MAK16: variants seen among roughly 807,000 people sequenced by gnomAD.
The protein encoded by MAK16 is protein MAK16 homolog.
MAK16 carries 12 observed loss-of-function variants against 49.9 expected under a neutral mutation model. The ratio of observed to expected loss-of-function variants is 0.24; its 90% CI spans 0.15 to 0.39. MAK16 has a LOEUF of 0.39. MAK16 is among the 10% of genes least tolerant of loss of function. The pLI is 1.00. For synonymous variants in MAK16, 115 were observed against 126.4 expected (o/e 0.91, Z 0.60); for missense variants, 292 against 363.7 (o/e 0.80, Z 1.60).
Position 33,498,954 on chromosome 8 carries a change from T to C in MAK16, c.*325T>C, listed in dbSNP as rs924131187. The C allele has an allele frequency of 3.4e-6, 2 of 591,260 alleles. No homozygotes were observed. The highest frequency in any genetic ancestry group is 1.9e-5 in the African/African-American group (1 of 53,656). 36.6% of individuals were successfully genotyped at this position (591,260 alleles called of 1,614,324 possible). The stretch of plus-strand genomic sequence containing the variant: ...ATTTTAAATGCTACATTACTTGGTG[T>C]CCTTTTTTCTCCCAAACTTTATTTA... On this transcript the variant is annotated 3_prime_UTR_variant, in exon 10 of 10. Transcript: ENST00000360128.
chr8:33,486,451 C>T (rs1041880327), intron 1 of MAK16, among the ~76,000 whole-genome samples: 2 of 152,146 alleles, frequency 1.3e-5, no homozygotes, highest in Non-Finnish European at 2.9e-5. Flanking sequence ...ACTTCGAAGG[C>T]TGAGGCAGAA....
chr8:33,494,573 T>C (rs1808826462), intron 6 of MAK16, among the ~76,000 whole-genome samples: 2 of 152,230 alleles, frequency 1.3e-5, no homozygotes, highest in African/African-American at 2.4e-5. Context: ...CCTTGAGATA[T>C]CTGGCTCACT....
chr8:33,485,521 GTCAGCTC>G lies in MAK16; in HGVS notation c.15+301_15+307del, dbSNP rs1285654317. The G allele has an allele frequency of 5.8e-5, 24 of 411,410 alleles. No homozygotes were observed. The Admixed American group carries it at 8.3e-4, about 14-fold the overall frequency. The allele number at this position is 411,410 out of a possible 1,614,324, so 25.5% of individuals were successfully genotyped here. A position where few individuals can be genotyped will look rare whatever the true frequency, so the allele number is the denominator to read the frequency against. On this transcript the variant is annotated intron_variant, in intron 1 of 9. Coordinates refer to ENST00000360128, the MANE Select transcript of MAK16 (RefSeq NM_032509.4). Reference sequence around the variant, plus strand: ...CGCGTCATGCTGTCAGCTGTCAGCTGTCAGCTCCGGACTTGGGGTGGGGGGCGGCCCG... The same window carrying G: ...CGCGTCATGCTGTCAGCTGTCAGCTGCGGACTTGGGGTGGGGGGCGGCCCG...
chr8:33,488,598 T>C lies in MAK16; in HGVS notation c.144T>C (p.Asn48=). Reference sequence around the variant, plus strand: ...ATCGGTCATCCTGTCCCCTGGCAAATAGTCAGTATGCCACTATTAAAGAAG... The same window carrying C: ...ATCGGTCATCCTGTCCCCTGGCAAACAGTCAGTATGCCACTATTAAAGAAG... ...LCNRSSCPLA[N]SQYATIKEEK... is the part of the protein sequence containing the mutation. Residue 48 remains asparagine, a synonymous_variant, in exon 3 of 10, where the codon AAT becomes AAC. Transcript: ENST00000360128. The C allele has an allele frequency of 6.2e-7, 1 of 1,614,130 alleles. No homozygotes were observed. The highest frequency in any genetic ancestry group is 8.5e-7 in the Non-Finnish European group (1 of 1,180,024).
intron 6 of MAK16, 82 bp from the exon 7 acceptor site, chr8:33,495,460 C>A: frequency 3.4e-6 from 4 of 1,176,952 alleles, no homozygotes; most frequent in East Asian, 5.0e-5. Context: ...TTCTTATAAA[C>A]AACTTGGTAG....
In MAK16 at chr8:33,500,342, G is replaced by C; in HGVS notation, c.*1713G>C. On this transcript the variant is annotated 3_prime_UTR_variant, in exon 10 of 10. Coordinates refer to ENST00000360128, the MANE Select transcript of MAK16 (RefSeq NM_032509.4). ...GTCTGCCTTACCTTTACCCGTCCTT[G>C]AGAACAGCGGTCCAGGAGAATCAGG... is the stretch of plus-strand genomic sequence containing the variant. 1 of 1,614,060 alleles carries C rather than the reference G, an allele frequency of 6.2e-7. No homozygotes were observed. The highest frequency in any genetic ancestry group is 1.7e-5 in the Admixed American group (1 of 59,990).
chr8:33,494,306 G>A (rs1027622280), intron 6 of MAK16, among the ~76,000 whole-genome samples: 7 of 152,078 alleles, frequency 4.6e-5, no homozygotes, highest in African/African-American at 1.4e-4. Flanking sequence ...ATCTCCTGAC[G>A]TCGGGTGATC....
At chr8:33,496,978 A>AAT (rs1808871118) in intron 8 of MAK16, among the ~76,000 whole-genome samples, 1 of 152,172 alleles carries the variant, frequency 6.6e-6, no homozygotes, top group Non-Finnish European at 1.5e-5. Flanking sequence ...ACAAATTATA[A>AAT]AGCCTTTCCT....
intron 6 of MAK16, among the ~76,000 whole-genome samples, chr8:33,494,915 A>C (rs1808833012): frequency 6.6e-6 from 1 of 152,086 alleles, no homozygotes; most frequent in African/African-American, 2.4e-5. Flanking sequence ...AGTAGCTGGG[A>C]CTATAGGCGC....
At chr8:33,497,353 A>G in intron 9 of MAK16, 56 bp downstream of exon 9, 1 of 671,400 alleles carries the variant, frequency 1.5e-6, no homozygotes, top group Non-Finnish European at 2.3e-6. Flanking sequence ...AAAAAAAAAA[A>G]ACAAAAACAG....
chr8:33,497,338 C>T, intron 9 of MAK16, 41 bp downstream of exon 9: 1 of 531,978 alleles, frequency 1.9e-6, no homozygotes, highest in South Asian at 2.8e-5. Context: ...TGGCCTGCAG[C>T]AAAAAAAAAA....
In MAK16 at chr8:33,497,501, T is replaced by A. The variant is rs912459634; in HGVS notation, c.705+204T>A. Among the ~76,000 whole-genome samples the A allele has an allele frequency of 5.3e-4, 77 of 146,388 alleles. No homozygotes were observed. The South Asian group carries it at 5.9e-3, about 11-fold the overall frequency. On this transcript the variant is annotated intron_variant, in intron 9 of 9. Transcript: ENST00000360128. The stretch of plus-strand genomic sequence containing the variant: ...ACCTCATCTCTAATAAAAAAAAAAA[T>A]TTTTTTTTTTAGATGAAGTTTCGCT...
In MAK16 at chr8:33,501,251, T is replaced by C. The variant is rs1809067391; in HGVS notation, c.*2622T>C. 6.6e-6 allele frequency: 1 copy of C among 152,230 alleles called. No homozygotes were observed. Among genetic ancestry groups the C allele is most frequent in the Non-Finnish European group, 1.5e-5 (1 of 68,050 alleles). The allele number at this position is 152,230 out of a possible 1,614,324, so 9.4% of individuals were successfully genotyped here. A position where few individuals can be genotyped will look rare whatever the true frequency, so the allele number is the denominator to read the frequency against. On this transcript the variant is annotated 3_prime_UTR_variant, in exon 10 of 10. Transcript: ENST00000360128. The stretch of plus-strand genomic sequence containing the variant: ...AATGTGAAATGTACAATAAATCATA[T>C]TTATGGACAGATGCGTGACTGGGAG...
chr8:33,494,651 T>G (rs938452722), intron 6 of MAK16, among the ~76,000 whole-genome samples: 5 of 152,196 alleles, frequency 3.3e-5, no homozygotes, highest in African/African-American at 1.2e-4. Context: ...ACAAGAAAAG[T>G]AGTAATGATG....
intron 1 of MAK16, among the ~76,000 whole-genome samples, chr8:33,487,218 T>C (rs1290639041): frequency 6.6e-6 from 1 of 152,188 alleles, no homozygotes; most frequent in Non-Finnish European, 1.5e-5. Context: ...CGAAACTCTT[T>C]AAAGAGTATA....
chr8:33,496,766 A>C, intron 8 of MAK16, 25 bp downstream of exon 8: 1 of 1,502,510 alleles, frequency 6.7e-7, no homozygotes, highest in Non-Finnish European at 9.2e-7. Context: ...TGTTTTGCCA[A>C]ACCTACTAGA....
intron 6 of MAK16, among the ~76,000 whole-genome samples, chr8:33,492,411 C>T (rs1481484221): frequency 2.0e-5 from 3 of 152,192 alleles, no homozygotes. Context: ...AGCTTTTTAA[C>T]TTGATGTGCT....
Position 33,498,992 on chromosome 8 carries a change from G to T in MAK16, c.*363G>T. 1 of 614,918 alleles carries T rather than the reference G, an allele frequency of 1.6e-6. No individual in the cohort carries two copies. Among genetic ancestry groups the T allele is most frequent in the Non-Finnish European group, 2.8e-6 (1 of 351,290 alleles). The allele number at this position is 614,918 out of a possible 1,614,324, so 38.1% of individuals were successfully genotyped here. ...CAAACTTTATTTAGAAATGGAAGGA[G>T]TTCAATTTTTTCTTGTTCTACTTTC... On this transcript the variant is annotated 3_prime_UTR_variant, in exon 10 of 10. Transcript: ENST00000360128.
intron 6 of MAK16, among the ~76,000 whole-genome samples, chr8:33,490,927 CA>C (rs1458001198): frequency 6.6e-6 from 1 of 152,118 alleles, no homozygotes; most frequent in Admixed American, 6.6e-5. Flanking sequence ...TAATCATCCC[CA>C]CCCCCATTAC....
Sources: allele counts gnomAD v4.1 joint callset (sites outside exome capture counted in the v4.1 genomes callset), GRCh38; gene constraint gnomAD v4.1.1; transcripts MANE v1.5; gene names NCBI Gene and HGNC (gene_info 2026-07-23, HGNC 2026-07-21).